FXN: variants seen among roughly 807,000 people sequenced by gnomAD.
FXN encodes frataxin, mitochondrial.
FXN carries 14 observed loss-of-function variants against 22.4 expected under a neutral mutation model. The observed-to-expected ratio is 0.62, with a 90% CI of 0.41 to 0.98. The LOEUF (loss-of-function observed/expected upper bound fraction) is 0.98, where lower values mean the gene tolerates loss of function less well. Among genes scored for constraint, FXN ranks in the 50% least tolerant of loss-of-function variants. The probability of loss-of-function intolerance (pLI) is 0.00; values close to 1 mark genes in which losing one functional copy is unlikely to be tolerated. For synonymous variants in FXN, 120 were observed against 114.1 expected (o/e 1.05, Z -0.33); for missense variants, 267 against 268.4 (o/e 0.99, Z 0.04).
intron 4 of FXN, among the ~76,000 whole-genome samples, chr9:69,066,629 G>A (rs1350847998): frequency 1.3e-5 from 2 of 152,094 alleles, no homozygotes; most frequent in African/African-American, 4.8e-5. Context: ...ATCTCCGGGG[G>A]AACGAAGTGG....
intron 3 of FXN, among the ~76,000 whole-genome samples, chr9:69,056,872 A>T (rs1300095385): frequency 1.4e-5 from 2 of 144,954 alleles, no homozygotes; most frequent in Non-Finnish European, 3.2e-5. Flanking sequence ...CCTCCCGAGT[A>T]GCTGGGATTA....
At chr9:69,050,969 A>G (rs1258428491) in intron 2 of FXN, among the ~76,000 whole-genome samples, 2 of 152,002 alleles carry the variant, frequency 1.3e-5, no homozygotes, top group East Asian at 1.9e-4. Flanking sequence ...TAGTAGAGAC[A>G]GGGTTTCTCC....
At chr9:69,041,603 A>T (rs1289555341) in intron 1 of FXN, among the ~76,000 whole-genome samples, 1 of 152,140 alleles carries the variant, frequency 6.6e-6, no homozygotes, top group Non-Finnish European at 1.5e-5. Flanking sequence ...CTCCCCTGCG[A>T]GGTATGGGTC....
intron 3 of FXN, among the ~76,000 whole-genome samples, chr9:69,055,539 G>C (rs1004761206): frequency 2.7e-5 from 4 of 150,866 alleles, no homozygotes; most frequent in African/African-American, 7.3e-5. Context: ...TGTCACCCAG[G>C]CTGGAGTGCA....
At chr9:69,054,087 G>T (rs1249647405) in intron 3 of FXN, among the ~76,000 whole-genome samples, 1 of 151,904 alleles carries the variant, frequency 6.6e-6, no homozygotes, top group Non-Finnish European at 1.5e-5. Flanking sequence ...TCACTGCTCC[G>T]CTTCCTGGGT....
intron 4 of FXN, among the ~76,000 whole-genome samples, chr9:69,070,669 G>A (rs1324315845): frequency 6.6e-6 from 1 of 152,080 alleles, no homozygotes; most frequent in Admixed American, 6.5e-5. Context: ...TTGATTGATA[G>A]CATTAGGATG....
intron 1 of FXN, among the ~76,000 whole-genome samples, chr9:69,042,461 T>C (rs1411137116): frequency 1.3e-5 from 2 of 152,174 alleles, no homozygotes; most frequent in Non-Finnish European, 2.9e-5. Flanking sequence ...TTGTTGTGAG[T>C]ACCACGATCC....
chr9:69,064,368 G>C (rs1306730405), intron 3 of FXN, among the ~76,000 whole-genome samples: 1 of 152,232 alleles, frequency 6.6e-6, no homozygotes, highest in Non-Finnish European at 1.5e-5. Flanking sequence ...TGCGTGGGAA[G>C]AGTCTGGAAA....
At chr9:69,067,004 T>G (rs1315285183) in intron 4 of FXN, among the ~76,000 whole-genome samples, 1 of 152,166 alleles carries the variant, frequency 6.6e-6, no homozygotes, top group Non-Finnish European at 1.5e-5. Context: ...CCTGCGCCGT[T>G]TCCGGCAGAT....
chr9:69,045,628 A>G (rs1402474773), intron 1 of FXN, among the ~76,000 whole-genome samples: 1 of 152,140 alleles, frequency 6.6e-6, no homozygotes, highest in Non-Finnish European at 1.5e-5. Context: ...AAAAAACTTC[A>G]GCATGATTAT....
rs58150402 is a variant in FXN, at chr9:69,053,471, A to AGATGGATGGATG, written c.384+239_384+250dup. The stretch of plus-strand genomic sequence containing the variant: ...GGGTGACAGAGCGAGACTCTGTCAT[A>AGATGGATGGATG]GATGGATGGATGGATGGATGGATGG... On this transcript the variant is annotated intron_variant, in intron 3 of 4. Coordinates refer to ENST00000484259, the MANE Select transcript of FXN (RefSeq NM_000144.5). Among the ~76,000 whole-genome samples the AGATGGATGGATG allele has an allele frequency of 1.1e-3, 160 of 140,348 alleles. 1 individual carries two copies. The highest frequency in any genetic ancestry group is 2.4e-3 in the Admixed American group (32 of 13,580). 92.1% of individuals were successfully genotyped at this position (140,348 alleles called of 152,430 possible).
intron 2 of FXN, among the ~76,000 whole-genome samples, chr9:69,051,079 C>T (rs576577609): frequency 3.9e-5 from 6 of 152,150 alleles, no homozygotes; most frequent in South Asian, 4.2e-4. Context: ...CGCGCCAGGC[C>T]GGCCAACTCT....
chr9:69,063,723 G>A lies in FXN; in HGVS notation c.385-1215G>A, dbSNP rs182647940. The stretch of plus-strand genomic sequence containing the variant: ...TTGCTTTTGAGACAGGATCTCTGTC[G>A]CCCAGTCTGGTGTGTAGTGGTGTGA... On this transcript the variant is annotated intron_variant, in intron 3 of 4. Transcript: ENST00000484259. Among the ~76,000 whole-genome samples, 45 of 150,698 alleles carry A rather than the reference G, an allele frequency of 3.0e-4. No homozygotes were observed. In the East Asian group the frequency reaches 5.1e-3, roughly 17 times the overall value.
intron 3 of FXN, among the ~76,000 whole-genome samples, chr9:69,055,243 C>T (rs1831934061): frequency 6.6e-6 from 1 of 152,174 alleles, no homozygotes; most frequent in African/African-American, 2.4e-5. Flanking sequence ...ACAGCCTGAT[C>T]AGAGGTGGGG....
chr9:69,053,065 C>A (rs1831882508), intron 2 of FXN, 75 bp from the exon 3 acceptor site: 4 of 1,403,672 alleles, frequency 2.8e-6, no homozygotes, highest in South Asian at 1.3e-5. Flanking sequence ...ATTTAAATAA[C>A]AAATGTATAA....
chr9:69,052,135 A>G (rs963344005), intron 2 of FXN, among the ~76,000 whole-genome samples: 7 of 148,276 alleles, frequency 4.7e-5, no homozygotes, highest in African/African-American at 1.7e-4. Flanking sequence ...GGCGTGAGCC[A>G]CCAGGCCCAG....
At chr9:69,069,256 T>C (rs1268215756) in intron 4 of FXN, among the ~76,000 whole-genome samples, 3 of 152,020 alleles carry the variant, frequency 2.0e-5, no homozygotes, top group Admixed American at 2.0e-4. Flanking sequence ...TCCCAGCTGC[T>C]TGGGAGACTG....
At chr9:69,044,171 G>A (rs980473295) in intron 1 of FXN, among the ~76,000 whole-genome samples, 7 of 152,150 alleles carry the variant, frequency 4.6e-5, no homozygotes, top group Admixed American at 1.3e-4. Flanking sequence ...TAATTTGCTC[G>A]TTGAGTGTTT....
chr9:69,037,498 A>C (rs1015613011), intron 1 of FXN, among the ~76,000 whole-genome samples: 1 of 152,026 alleles, frequency 6.6e-6, no homozygotes, highest in African/African-American at 2.4e-5. Flanking sequence ...AATAAAAAAT[A>C]AAATGGATTT....
Sources: gnomAD v4.1 joint callset for allele counts (sites outside exome capture counted in the v4.1 genomes callset) on GRCh38, gnomAD v4.1.1 for gene constraint, MANE v1.5 for transcripts, NCBI Gene and HGNC (gene_info 2026-07-23, HGNC 2026-07-21) for gene names.